Variants in HDGFL2 observed in about 807,000 individuals in gnomAD.
HDGFL2 encodes the protein hepatoma-derived growth factor-related protein 2.
Under a neutral mutation model 77.1 loss-of-function variants are expected in HDGFL2, and 36 were observed. The ratio of observed to expected loss-of-function variants is 0.47; its 90% CI spans 0.36 to 0.62. The LOEUF (loss-of-function observed/expected upper bound fraction) is 0.62. Ranked by LOEUF, HDGFL2 falls within the 20% of genes least tolerant of loss-of-function variation. The probability of loss-of-function intolerance (pLI) is 0.00; values close to 1 mark genes in which losing one functional copy is unlikely to be tolerated. For synonymous variants in HDGFL2, 463 were observed against 413.1 expected, an observed-to-expected ratio of 1.12 and a Z score of -1.46; for missense variants, 976 against 973.4, an observed-to-expected ratio of 1.00 and a Z score of -0.04.
intron 1 of HDGFL2, among the ~76,000 whole-genome samples, chr19:4,473,809 G>T (rs1050219482): frequency 6.6e-6 from 1 of 151,986 alleles, no homozygotes; most frequent in Admixed American, 6.6e-5. Flanking sequence ...GGTCCCCTGT[G>T]GGGAGGAGGA....
intron 4 of HDGFL2, among the ~76,000 whole-genome samples, chr19:4,489,486 C>G (rs951728620): frequency 1.3e-5 from 2 of 151,986 alleles, no homozygotes; most frequent in African/African-American, 4.8e-5. Flanking sequence ...TCACTGCAAT[C>G]TCCACCTCCT....
chr19:4,473,967 TG>T (rs1975007518), intron 1 of HDGFL2, among the ~76,000 whole-genome samples: 1 of 151,884 alleles, frequency 6.6e-6, no homozygotes, highest in East Asian at 1.9e-4. Context: ...TGGTGGAAGC[TG>T]GGGTCCCGAC....
Position 4,496,414 on chromosome 19 carries a change from T to C in HDGFL2, c.1328+9T>C. 4.3e-6 allele frequency: 7 copies of C among 1,610,430 alleles called. No homozygotes were observed. Among genetic ancestry groups the C allele is most frequent in the Non-Finnish European group, 5.9e-6 (7 of 1,177,662 alleles). On this transcript the variant is annotated intron_variant, in intron 10 of 15. Transcript: ENST00000616600. Reference sequence around the variant, plus strand: ...GAGAAGCAACAAGCCAAGTGAGCCCTGCTCTGCCCCTCCACACCCTGGGGG... The same window carrying C: ...GAGAAGCAACAAGCCAAGTGAGCCCCGCTCTGCCCCTCCACACCCTGGGGG...
chr19:4,474,510 G>A (rs1014567850), intron 1 of HDGFL2, among the ~76,000 whole-genome samples: 1 of 152,056 alleles, frequency 6.6e-6, no homozygotes, highest in African/African-American at 2.4e-5. Context: ...AGGGAAGATC[G>A]GGAGCCCCCT....
intron 3 of HDGFL2, among the ~76,000 whole-genome samples, chr19:4,480,500 C>T (rs1013099574): frequency 6.6e-6 from 1 of 152,200 alleles, no homozygotes; most frequent in Non-Finnish European, 1.5e-5. Context: ...AGGTGGATCA[C>T]CTGAGGTCAG....
In HDGFL2 at chr19:4,475,542, G is replaced by A. The variant is rs1975050063; in HGVS notation, c.247G>A (p.Glu83Lys). 6.3e-7 allele frequency: 1 copy of A among 1,595,254 alleles called. No individual in the cohort carries two copies. The highest frequency in any genetic ancestry group is 8.5e-7 in the Non-Finnish European group (1 of 1,175,190). The change falls in exon 3 of 16, where the codon GAG (glutamate) becomes AAG (lysine). Residue 83 changes from glutamate to lysine, a missense_variant. Around this residue, in one of 5 missense-constraint regions of HDGFL2, gnomAD observed 103 missense variants for 145.7 expected, o/e 0.71. Transcript: ENST00000616600. ...GAAAGGCTTCAATGAAGGGCTGTGG[G>A]AGATCCAGAACAACCCCCACGCCAG... ...KRKGFNEGLW[E>K]IQNNPHASYS...
At chr19:4,500,694 C>T (rs1975845324) in intron 14 of HDGFL2, among the ~76,000 whole-genome samples, 1 of 152,038 alleles carries the variant, frequency 6.6e-6, no homozygotes, top group Non-Finnish European at 1.5e-5. Flanking sequence ...ATCTCTGGAC[C>T]TCATGATCCG....
chr19:4,491,558 C>T lies in HDGFL2; in HGVS notation c.490-8C>T, dbSNP rs752088075. On this transcript the variant is annotated splice_polypyrimidine_tract_variant and splice_region_variant and intron_variant, in intron 4 of 15. Transcript: ENST00000616600. The stretch of plus-strand genomic sequence containing the variant: ...CATCACTGAGCATTCAGGCCGTTCC[C>T]CTTCCAGATGTCGGTCTCGAAACGA... 1.2e-6 allele frequency: 2 copies of T among 1,612,814 alleles called. No individual in the cohort carries two copies. The highest frequency in any genetic ancestry group is 2.7e-5 in the African/African-American group (2 of 74,866).
Position 4,475,547 on chromosome 19 carries a change from C to T in HDGFL2, c.252C>T (p.Ile84=). The T allele has an allele frequency of 6.3e-7, 1 of 1,588,294 alleles. No individual in the cohort carries two copies. Among genetic ancestry groups the T allele is most frequent in the Non-Finnish European group, 8.5e-7 (1 of 1,173,150 alleles). ...RKGFNEGLWE[I]QNNPHASYSA... ...GCTTCAATGAAGGGCTGTGGGAGAT[C>T]CAGAACAACCCCCACGCCAGCTACA... The change falls in exon 3 of 16, where the codon ATC becomes ATT. Residue 84 remains isoleucine (I), a synonymous_variant. Transcript: ENST00000616600.
intron 4 of HDGFL2, among the ~76,000 whole-genome samples, chr19:4,489,406 C>A (rs1975450026): frequency 7.0e-6 from 1 of 142,684 alleles, no homozygotes; most frequent in Admixed American, 6.9e-5. Context: ...GCACCACCAC[C>A]ATATTTTTTT....
chr19:4,497,541 A>G, intron 10 of HDGFL2: 2 of 300,876 alleles, frequency 6.6e-6, no homozygotes, highest in Non-Finnish European at 6.4e-6. Context: ...AAACCTGCCC[A>G]TGAGAATTCG....
intron 3 of HDGFL2, among the ~76,000 whole-genome samples, chr19:4,481,954 C>T (rs1052295021): frequency 6.6e-6 from 1 of 151,248 alleles, no homozygotes; most frequent in Non-Finnish European, 1.5e-5. Context: ...CCCTGATCCT[C>T]CAAGACAGCT....
intron 3 of HDGFL2, among the ~76,000 whole-genome samples, chr19:4,478,809 C>G (rs1005941016): frequency 5.3e-5 from 8 of 151,836 alleles, no homozygotes; most frequent in Non-Finnish European, 1.0e-4. Context: ...CTCAGCCTCC[C>G]AAGTAGCTGG....
intron 1 of HDGFL2, among the ~76,000 whole-genome samples, chr19:4,473,237 C>G (rs1243853740): frequency 7.3e-6 from 1 of 137,890 alleles, no homozygotes; most frequent in African/African-American, 2.8e-5. Flanking sequence ...CCTGAAGGAG[C>G]TGCGGCGCCA....
chr19:4,480,796 G>C (rs1975192885), intron 3 of HDGFL2, among the ~76,000 whole-genome samples: 1 of 152,160 alleles, frequency 6.6e-6, no homozygotes, highest in Admixed American at 6.5e-5. Context: ...GCTCTGCCCT[G>C]TGCTCACTGT....
intron 3 of HDGFL2, among the ~76,000 whole-genome samples, chr19:4,482,791 T>A (rs1975253052): frequency 6.6e-6 from 1 of 152,176 alleles, no homozygotes; most frequent in Non-Finnish European, 1.5e-5. Context: ...AGAATCAGGC[T>A]GGTCATGCCC....
intron 3 of HDGFL2, among the ~76,000 whole-genome samples, chr19:4,484,666 ATT>A (rs71168907): frequency 1.5e-4 from 11 of 74,116 alleles, no homozygotes; most frequent in Admixed American, 1.8e-4. Flanking sequence ...CGCCTGGCTA[ATT>A]TTTTTTTTTT....
intron 3 of HDGFL2, among the ~76,000 whole-genome samples, chr19:4,480,718 CAAAAA>C (rs543568916): frequency 4.0e-5 from 6 of 150,564 alleles, no homozygotes; most frequent in Admixed American, 3.3e-4. Flanking sequence ...GACTCCGTCT[CAAAAA>C]AAAAGTGGGA....
Position 4,488,724 on chromosome 19 carries a change from G to C in HDGFL2, c.337G>C (p.Gly113Arg), listed in dbSNP as rs962845033. The change falls in exon 4 of 16, where the codon GGC becomes CGC. Residue 113 changes from glycine to arginine, a missense_variant. By Grantham distance (125) the Gly-to-Arg change is moderately radical. Transcript: ENST00000616600. ...SEAPEANPADGSDADEDDEDR... is the reference protein window; with the variant it reads ...SEAPEANPADRSDADEDDEDR... ...GGCCCCCGAGGCCAACCCCGCCGAC[G>C]GCAGTGACGCTGACGAGGACGATGA... The C allele has an allele frequency of 6.4e-7, 1 of 1,553,942 alleles. No homozygotes were observed. Among genetic ancestry groups the C allele is most frequent in the Non-Finnish European group, 8.7e-7 (1 of 1,149,130 alleles).
Sources: allele counts gnomAD v4.1 joint callset (sites outside exome capture counted in the v4.1 genomes callset), GRCh38; gene constraint gnomAD v4.1.1; regional missense constraint gnomAD v4.1.1; transcripts MANE v1.5; gene names NCBI Gene and HGNC (gene_info 2026-07-23, HGNC 2026-07-21).